The following ASH1L variants were observed in gnomAD, a reference collection of about 807,000 sequenced individuals.
The protein encoded by ASH1L is histone-lysine N-methyltransferase ASH1L.
In ASH1L, 23 loss-of-function variants were observed where a neutral mutation model predicts 269.0. That is an observed-to-expected ratio of 0.09 (90% confidence interval 0.06 to 0.12). The LOEUF (loss-of-function observed/expected upper bound fraction) is 0.12, where lower values mean the gene tolerates loss of function less well. Ranked by LOEUF, ASH1L falls within the 10% of genes least tolerant of loss-of-function variation. ASH1L has a pLI of 1.00. For synonymous variants in ASH1L, 1,187 were observed against 1,253.5 expected (o/e 0.95, Z 1.12); for missense variants, 2,912 against 3,567.8 (o/e 0.82, Z 4.68).
chr1:155,372,335 G>A (rs924053261), intron 10 of ASH1L, among the ~76,000 whole-genome samples: 1 of 149,264 alleles, frequency 6.7e-6, no homozygotes, highest in African/African-American at 2.5e-5. Flanking sequence ...TTGAGGCAAA[G>A]TCTCGCTCTG....
chr1:155,517,634 C>T (rs965054378), intron 2 of ASH1L, among the ~76,000 whole-genome samples: 2 of 123,338 alleles, frequency 1.6e-5, no homozygotes, highest in African/African-American at 5.2e-5. Flanking sequence ...CAGAGTAAGA[C>T]TCCATCTAAA....
chr1:155,450,611 T>C (rs150858799), intron 4 of ASH1L, among the ~76,000 whole-genome samples: 374 of 152,274 alleles, frequency 2.5e-3, no homozygotes, highest in South Asian at 0.014. Flanking sequence ...GAATGTAAAA[T>C]GGCACACCAT....
rs1652243660 is a variant in ASH1L, at chr1:155,335,599, A to G, written c.*2061T>C. 1 of 152,770 alleles carries G rather than the reference A, an allele frequency of 6.5e-6. No individual in the cohort carries two copies. The highest frequency in any genetic ancestry group is 6.6e-5 in the Admixed American group (1 of 15,264). The allele number at this position is 152,770 out of a possible 1,614,324, so 9.5% of individuals were successfully genotyped here. On this transcript the variant is annotated 3_prime_UTR_variant, in exon 28 of 28. Coordinates refer to ENST00000392403, the MANE Select transcript of ASH1L (RefSeq NM_018489.3). ...TATAAAATAACTGAAAAATAAAAAAAGGCATTAATTTCTACACCAGTAAGA... is the reference window on the plus strand; with the variant it reads ...TATAAAATAACTGAAAAATAAAAAAGGGCATTAATTTCTACACCAGTAAGA...
chr1:155,355,446 T>A (rs1654295172), intron 15 of ASH1L, among the ~76,000 whole-genome samples: 1 of 152,222 alleles, frequency 6.6e-6, no homozygotes, highest in Non-Finnish European at 1.5e-5. Context: ...CAACAGGACA[T>A]ATGTAAATAG....
At chr1:155,431,870 C>T (rs1661636413) in intron 5 of ASH1L, among the ~76,000 whole-genome samples, 1 of 152,198 alleles carries the variant, frequency 6.6e-6, no homozygotes, top group Admixed American at 6.6e-5. Flanking sequence ...CTGCCTCAGC[C>T]TGACAAACTG....
chr1:155,412,704 T>C (rs1421546616), intron 6 of ASH1L, among the ~76,000 whole-genome samples: 2 of 152,186 alleles, frequency 1.3e-5, no homozygotes, highest in Non-Finnish European at 2.9e-5. Context: ...TCAGAAGTTC[T>C]AGAGAGCCAG....
chr1:155,501,481 G>A (rs973219511), intron 2 of ASH1L, among the ~76,000 whole-genome samples: 4 of 150,610 alleles, frequency 2.7e-5, no homozygotes, highest in East Asian at 2.0e-4. Flanking sequence ...AGTGATTATC[G>A]TACTCCATCC....
At chr1:155,494,681 G>A (rs566192539) in intron 2 of ASH1L, among the ~76,000 whole-genome samples, 14 of 152,254 alleles carry the variant, frequency 9.2e-5, no homozygotes, top group African/African-American at 2.9e-4. Flanking sequence ...GAGGAAGACT[G>A]AAAATGATGA....
intron 4 of ASH1L, among the ~76,000 whole-genome samples, chr1:155,443,991 T>C (rs1662800793): frequency 6.8e-6 from 1 of 146,950 alleles, no homozygotes; most frequent in African/African-American, 2.6e-5. Context: ...TTTTTTTTTT[T>C]TTTTTTTTTT....
At chr1:155,341,871 C>T (rs552970431) in intron 25 of ASH1L, 65 bp downstream of exon 25, 1 of 1,533,364 alleles carries the variant, frequency 6.5e-7, no homozygotes, top group African/African-American at 1.4e-5. Context: ...GATTTTCGCT[C>T]AGTGAATTTC....
chr1:155,410,122 CTCTT>C (rs1415565683), intron 6 of ASH1L, among the ~76,000 whole-genome samples: 3 of 151,532 alleles, frequency 2.0e-5, no homozygotes, highest in Admixed American at 1.3e-4. Flanking sequence ...GTATTATTTT[CTCTT>C]TCTTTTTCTG....
At chr1:155,433,569 A>G in intron 5 of ASH1L, 1 of 1,611,082 alleles carries the variant, frequency 6.2e-7, no homozygotes. Context: ...GAGAAGCTGG[A>G]GCAAAACCCG....
intron 17 of ASH1L, 57 bp downstream of exon 17, chr1:155,352,647 TAA>T: frequency 7.5e-7 from 1 of 1,340,948 alleles, no homozygotes; most frequent in Non-Finnish European, 1.0e-6. Context: ...TCTATTTATT[TAA>T]AAAAAAAAGA....
At chr1:155,409,711 C>T (rs1341387801) in intron 6 of ASH1L, among the ~76,000 whole-genome samples, 3 of 152,164 alleles carry the variant, frequency 2.0e-5, no homozygotes, top group Admixed American at 6.5e-5. Context: ...AGTGATCCTC[C>T]AGCCTCAGCC....
chr1:155,368,656 C>T (rs1213836916), intron 12 of ASH1L, among the ~76,000 whole-genome samples: 3 of 151,878 alleles, frequency 2.0e-5, no homozygotes, highest in Non-Finnish European at 4.4e-5. Flanking sequence ...GGGGTTTCAC[C>T]GTCTTGGCCA....
At chr1:155,467,098 G>A (rs1239544012) in intron 3 of ASH1L, among the ~76,000 whole-genome samples, 2 of 152,040 alleles carry the variant, frequency 1.3e-5, no homozygotes, top group African/African-American at 4.8e-5. Flanking sequence ...TCTATGACTT[G>A]TAAGCTATAA....
chr1:155,530,729 C>G (rs1449261564), intron 1 of ASH1L, among the ~76,000 whole-genome samples: 1 of 150,998 alleles, frequency 6.6e-6, no homozygotes. Context: ...GACCAAGACT[C>G]TGTCTCGGGA....
rs921875925 is a variant in ASH1L, at chr1:155,480,875, A to C, written c.1995T>G (p.Ile665Met). 2.0e-5 allele frequency: 33 copies of C among 1,613,782 alleles called. No individual in the cohort carries two copies. Among genetic ancestry groups the C allele is most frequent in the Non-Finnish European group, 2.5e-5 (29 of 1,179,934 alleles). ...TAGTGAAGTTAACAACTGAAGGAGT[A>C]ATAGTATGAATGCTGGATTCAGAAG... The part of the protein sequence containing the change: ...SLTSESSIHT[I>M]TPSVVNFTSL... The change falls in exon 3 of 28, where the codon ATT becomes ATG. Residue 665 changes from isoleucine (I) to methionine (M), a missense_variant. Transcript: ENST00000392403.
rs985588199 is a variant in ASH1L at position 155,538,968 on chromosome 1, T to A, written c.-99-17350A>T. Among the ~76,000 whole-genome samples the A allele has an allele frequency of 3.0e-4, 45 of 152,248 alleles. 1 individual carries two copies. Among genetic ancestry groups the A allele is most frequent in the African/African-American group, 1.1e-3 (44 of 41,564 alleles). ...CAATTGCTCAAGTCAGAGCTACTACTAGTCAAACTACTACAGGTTACTATG... is the reference window on the plus strand; with the variant it reads ...CAATTGCTCAAGTCAGAGCTACTACAAGTCAAACTACTACAGGTTACTATG... On this transcript the variant is annotated intron_variant, in intron 1 of 27. Transcript: ENST00000392403.
Sources: allele counts gnomAD v4.1 joint callset (sites outside exome capture counted in the v4.1 genomes callset), GRCh38; gene constraint gnomAD v4.1.1; transcripts MANE v1.5; gene names NCBI Gene and HGNC (gene_info 2026-07-23, HGNC 2026-07-21).